The following CADM2 variants were observed in gnomAD, a reference collection of about 807,000 sequenced individuals.
CADM2 encodes immunoglobulin superfamily member 4D.
A neutral mutation model predicts 49.8 loss-of-function variants in CADM2; 12 were observed. The ratio of observed to expected loss-of-function variants is 0.24; its 90% CI spans 0.15 to 0.39. The LOEUF is 0.39. Ranked by LOEUF, CADM2 falls within the 10% of genes least tolerant of loss-of-function variation. CADM2 has a pLI of 1.00. For missense variants in CADM2, 378 were observed against 492.3 expected (o/e 0.77, Z 2.20); for synonymous variants, 214 against 175.4 (o/e 1.22, Z -1.74).
chr3:85,840,639 A>G (rs1215497164), intron 3 of CADM2, among the ~76,000 whole-genome samples: 1 of 151,862 alleles, frequency 6.6e-6, no homozygotes. Flanking sequence ...CTTTTCAGAA[A>G]TCCATTGTTC....
At position 85,218,691 on chromosome 3, in the gene CADM2, G is replaced by A. The variant is rs112617520; in HGVS notation, c.61+259023G>A. On this transcript the variant is annotated intron_variant, in intron 1 of 9. Transcript: ENST00000383699. ...GGTGCCTGTAGTCCCAGCTACTCGG[G>A]AGGCTGAAGCAGGAGAGTCACTTGA... 1.3e-3 allele frequency among the ~76,000 whole-genome samples: 204 copies of A among 152,276 alleles called. 2 individuals are homozygous for A. The highest frequency in any genetic ancestry group is 4.5e-3 in the African/African-American group (185 of 41,560).
intron 1 of CADM2, among the ~76,000 whole-genome samples, chr3:85,319,166 T>C (rs546610852): frequency 6.6e-6 from 1 of 152,348 alleles, no homozygotes; most frequent in East Asian, 1.9e-4. Flanking sequence ...ATGCTAACTG[T>C]CATTTATTTA....
intron 3 of CADM2, among the ~76,000 whole-genome samples, chr3:85,859,015 C>A (rs2075418393): frequency 6.6e-6 from 1 of 152,114 alleles, no homozygotes; most frequent in South Asian, 2.1e-4. Flanking sequence ...TTGAAGGACT[C>A]AGCCACAAAC....
intron 1 of CADM2, among the ~76,000 whole-genome samples, chr3:85,626,268 C>G (rs576520846): frequency 6.6e-6 from 1 of 152,004 alleles, no homozygotes; most frequent in South Asian, 2.1e-4. Flanking sequence ...TACAAACATC[C>G]TATTTAATAT....
At chr3:86,045,534 A>G (rs1399940157) in intron 8 of CADM2, among the ~76,000 whole-genome samples, 1 of 152,116 alleles carries the variant, frequency 6.6e-6, no homozygotes, top group Non-Finnish European at 1.5e-5. Flanking sequence ...GTGAAATTGA[A>G]CCACATAAGC....
intron 1 of CADM2, among the ~76,000 whole-genome samples, chr3:85,471,805 A>G (rs755255967): frequency 3.8e-4 from 55 of 145,630 alleles, no homozygotes; most frequent in Non-Finnish European, 7.9e-4. Context: ...GAAAAATACA[A>G]AAGTCAATAT....
intron 8 of CADM2, among the ~76,000 whole-genome samples, chr3:85,969,535 T>A (rs1388282037): frequency 6.6e-6 from 1 of 151,420 alleles, no homozygotes; most frequent in Non-Finnish European, 1.5e-5. Flanking sequence ...CCCAGTCACA[T>A]ATCACTTCAA....
chr3:85,843,948 A>T (rs2074759583), intron 3 of CADM2, among the ~76,000 whole-genome samples: 1 of 152,006 alleles, frequency 6.6e-6, no homozygotes, highest in Non-Finnish European at 1.5e-5. Context: ...TAGTTTAGAT[A>T]TTACTAGCAC....
intron 1 of CADM2, among the ~76,000 whole-genome samples, chr3:85,284,404 A>G (rs2043577568): frequency 6.6e-6 from 1 of 152,118 alleles, no homozygotes; most frequent in Admixed American, 6.6e-5. Flanking sequence ...TATATGTCAG[A>G]TGGATGACTG....
At chr3:85,484,367 T>A (rs2039333314) in intron 1 of CADM2, among the ~76,000 whole-genome samples, 1 of 151,960 alleles carries the variant, frequency 6.6e-6, no homozygotes, top group African/African-American at 2.4e-5. Context: ...ACAATAGGCA[T>A]GAATTTCTTA....
At chr3:85,790,963 G>A (rs1358051736) in intron 2 of CADM2, among the ~76,000 whole-genome samples, 3 of 152,232 alleles carry the variant, frequency 2.0e-5, no homozygotes, top group East Asian at 3.9e-4. Flanking sequence ...CTAAAAGGCA[G>A]GCTGAATTCA....
chr3:85,334,229 C>A (rs534324351), intron 1 of CADM2, among the ~76,000 whole-genome samples: 1 of 151,440 alleles, frequency 6.6e-6, no homozygotes, highest in African/African-American at 2.4e-5. Context: ...CTATCATTTT[C>A]TCAAGTTATC....
intron 1 of CADM2, among the ~76,000 whole-genome samples, chr3:85,427,631 C>T (rs2036475006): frequency 6.6e-6 from 1 of 152,054 alleles, no homozygotes; most frequent in South Asian, 2.1e-4. Context: ...TGTAATGTAA[C>T]AGCTATATTA....
At chr3:85,647,684 A>C (rs1165827576) in intron 1 of CADM2, among the ~76,000 whole-genome samples, 1 of 151,836 alleles carries the variant, frequency 6.6e-6, no homozygotes, top group African/African-American at 2.4e-5. Flanking sequence ...CAAAAGACAA[A>C]AAATATTTTA....
chr3:85,277,130 C>G (rs1184074454), intron 1 of CADM2, among the ~76,000 whole-genome samples: 1 of 151,326 alleles, frequency 6.6e-6, no homozygotes, highest in East Asian at 1.9e-4. Flanking sequence ...CAGGAATAGA[C>G]AGGAACTGAT....
intron 1 of CADM2, among the ~76,000 whole-genome samples, chr3:85,193,622 A>T (rs191359124): frequency 6.6e-6 from 1 of 152,140 alleles, no homozygotes; most frequent in East Asian, 2.0e-4. Context: ...AAAAGTTAGC[A>T]ATGGATAGAG....
intron 7 of CADM2, among the ~76,000 whole-genome samples, chr3:85,944,008 G>T (rs1197812505): frequency 6.6e-6 from 1 of 152,014 alleles, no homozygotes; most frequent in Admixed American, 6.6e-5. Flanking sequence ...ACCTATCAGT[G>T]TGCTGTATTC....
chr3:85,913,874 G>C (rs887190453), intron 6 of CADM2, among the ~76,000 whole-genome samples: 1 of 152,128 alleles, frequency 6.6e-6, no homozygotes, highest in African/African-American at 2.4e-5. Flanking sequence ...GTGTAATGCA[G>C]AGGGAAGGGC....
intron 1 of CADM2, among the ~76,000 whole-genome samples, chr3:85,427,362 G>T (rs199691604): frequency 6.6e-6 from 1 of 151,778 alleles, no homozygotes; most frequent in Non-Finnish European, 1.5e-5. Context: ...CTTATGAGAA[G>T]ATATGCCCAC....
Sources: allele counts gnomAD v4.1 joint callset (sites outside exome capture counted in the v4.1 genomes callset), GRCh38; gene constraint gnomAD v4.1.1; transcripts MANE v1.5; gene names NCBI Gene and HGNC (gene_info 2026-07-23, HGNC 2026-07-21).